The following PCDH15 variants were observed in gnomAD, a reference collection of about 807,000 sequenced individuals.
The protein encoded by PCDH15 is protocadherin-15.
In PCDH15, 129 loss-of-function variants were observed where a neutral mutation model predicts 178.5. The ratio of observed to expected loss-of-function variants is 0.72; its 90% CI spans 0.63 to 0.84. PCDH15 has a LOEUF of 0.84. PCDH15 is among the 40% of genes least tolerant of loss of function. PCDH15 has a pLI of 0.00. For synonymous variants in PCDH15, 800 were observed against 732.0 expected, an observed-to-expected ratio of 1.09 and a Z score of -1.50; for missense variants, 2,230 against 2,099.9, an observed-to-expected ratio of 1.06 and a Z score of -1.21.
chr10:55,411,550 T>C (rs996776550), intron 2 of PCDH15, among the ~76,000 whole-genome samples: 1 of 152,112 alleles, frequency 6.6e-6, no homozygotes, highest in Non-Finnish European at 1.5e-5. Flanking sequence ...AGTATTTTTT[T>C]CCCAGTGGCT....
At chr10:54,101,342 C>G (rs2094808079) in intron 15 of PCDH15, among the ~76,000 whole-genome samples, 1 of 152,090 alleles carries the variant, frequency 6.6e-6, no homozygotes, top group South Asian at 2.1e-4. Context: ...TGGACTAATA[C>G]ATTGGTCAAC....
chr10:54,257,272 G>A (rs2056975445), intron 8 of PCDH15, among the ~76,000 whole-genome samples: 2 of 152,102 alleles, frequency 1.3e-5, no homozygotes, highest in South Asian at 4.1e-4. Context: ...TGAGAGGACA[G>A]AGGGTTGCGT....
intron 2 of PCDH15, among the ~76,000 whole-genome samples, chr10:55,577,309 T>C (rs889761187): frequency 6.6e-6 from 1 of 152,136 alleles, no homozygotes; most frequent in Admixed American, 6.6e-5. Context: ...CAAAATTTAT[T>C]TTCAGATTTT....
At chr10:54,044,824 T>C (rs1217925103) in intron 18 of PCDH15, among the ~76,000 whole-genome samples, 2 of 152,174 alleles carry the variant, frequency 1.3e-5, no homozygotes, top group Admixed American at 6.6e-5. Flanking sequence ...TTCCTGTGAT[T>C]AATACACATT....
chr10:54,022,933 C>T lies in PCDH15; in HGVS notation c.2485G>A (p.Glu829Lys). 6.2e-7 allele frequency: 1 copy of T among 1,613,918 alleles called. No individual in the cohort carries two copies. Among genetic ancestry groups the T allele is most frequent in the Non-Finnish European group, 8.5e-7 (1 of 1,179,840 alleles). The stretch of plus-strand genomic sequence containing the variant: ...GTAGTCCCAGCTGGCAAATTCTCTT[C>T]AACAAGGACAGTGTATGTTGAATTG... ...FTNSTYTVLV[E>K]ENLPAGTTIL... is the part of the protein sequence containing the mutation. The change falls in exon 19 of 38, where the codon GAA becomes AAA. Residue 829 changes from glutamate to lysine, a missense_variant. Coordinates refer to ENST00000644397, the MANE Select transcript of PCDH15 (RefSeq NM_001384140.1).
chr10:55,291,507 G>A (rs990746544), intron 1 of PCDH15, among the ~76,000 whole-genome samples: 8 of 152,156 alleles, frequency 5.3e-5, no homozygotes, highest in African/African-American at 9.6e-5. Flanking sequence ...CAACTGAAAT[G>A]AGAAATGGAA....
chr10:54,727,937 A>G (rs1942804181), intron 1 of PCDH15, among the ~76,000 whole-genome samples: 1 of 151,508 alleles, frequency 6.6e-6, no homozygotes, highest in African/African-American at 2.4e-5. Flanking sequence ...TTGAATTAGC[A>G]GTAACAAACC....
At chr10:54,156,398 A>T (rs72797068) in intron 13 of PCDH15, among the ~76,000 whole-genome samples, 4,502 of 152,238 alleles carry the variant, frequency 0.03, 86 homozygotes, top group Middle Eastern at 0.082. Context: ...CCTCATAATC[A>T]TGGCAGAAGG....
At chr10:55,254,041 TC>T (rs1469679279) in intron 1 of PCDH15, among the ~76,000 whole-genome samples, 5 of 152,206 alleles carry the variant, frequency 3.3e-5, no homozygotes, top group Admixed American at 3.3e-4. Flanking sequence ...ACACAGGTCT[TC>T]TTTGAAAGCT....
Position 54,729,243 on chromosome 10 carries a change from T to A in PCDH15, c.-28-64953A>T, listed in dbSNP as rs569198076. On this transcript the variant is annotated intron_variant, in intron 1 of 37. Transcript: ENST00000644397. ...AAACATATAAATCAATGGAACAGGTTAAAGAACACAGAAATAAAGCTACAC... is the reference window on the plus strand; with the variant it reads ...AAACATATAAATCAATGGAACAGGTAAAAGAACACAGAAATAAAGCTACAC... Among the ~76,000 whole-genome samples the A allele has an allele frequency of 5.0e-4, 76 of 151,476 alleles. No individual in the cohort carries two copies. The South Asian group carries it at 0.015, about 30-fold the overall frequency.
intron 3 of PCDH15, among the ~76,000 whole-genome samples, chr10:54,443,585 G>T (rs773389106): frequency 1.3e-5 from 2 of 151,602 alleles, no homozygotes; most frequent in Non-Finnish European, 3.0e-5. Flanking sequence ...GTAAATAGAG[G>T]ATCCAAGAAT....
At chr10:54,545,765 A>C (rs958681685) in intron 2 of PCDH15, among the ~76,000 whole-genome samples, 1 of 152,242 alleles carries the variant, frequency 6.6e-6, no homozygotes, top group Non-Finnish European at 1.5e-5. Flanking sequence ...TTATGATTTA[A>C]ACACACTCTG....
chr10:55,229,431 T>A (rs1841148588), intron 1 of PCDH15, among the ~76,000 whole-genome samples: 1 of 151,866 alleles, frequency 6.6e-6, no homozygotes, highest in African/African-American at 2.4e-5. Context: ...GGATATATAT[T>A]TAAAAGTAAA....
chr10:53,981,368 T>G (rs888197050), intron 21 of PCDH15, among the ~76,000 whole-genome samples: 1 of 152,184 alleles, frequency 6.6e-6, no homozygotes, highest in African/African-American at 2.4e-5. Flanking sequence ...GTTTCAAACT[T>G]GAAAACTTAG....
intron 2 of PCDH15, among the ~76,000 whole-genome samples, chr10:54,608,445 GATAATA>G (rs1025496728): frequency 6.6e-6 from 1 of 151,708 alleles, no homozygotes; most frequent in African/African-American, 2.4e-5. Context: ...CATCACTACA[GATAATA>G]ATAATAATAA....
intron 18 of PCDH15, among the ~76,000 whole-genome samples, chr10:54,030,371 CTTT>C (rs5785033): frequency 0.14 from 20,533 of 143,026 alleles, 1,592 homozygotes; most frequent in Non-Finnish European, 0.19. Flanking sequence ...CAATAGTTGT[CTTT>C]TTTTTTTTTT....
chr10:54,424,358 A>T (rs1465983982), intron 3 of PCDH15, among the ~76,000 whole-genome samples: 1 of 151,904 alleles, frequency 6.6e-6, no homozygotes. Context: ...GTCAGGAAAC[A>T]ACAGGTGCTG....
At chr10:54,712,363 T>TA (rs1274048561) in intron 1 of PCDH15, among the ~76,000 whole-genome samples, 3 of 151,762 alleles carry the variant, frequency 2.0e-5, no homozygotes, top group Non-Finnish European at 4.4e-5. Context: ...AAAAGAGATT[T>TA]AAAAAATCAT....
chr10:53,850,009 G>T (rs7358217), intron 28 of PCDH15, among the ~76,000 whole-genome samples: 61,852 of 151,634 alleles, frequency 0.41, 17,060 homozygotes, highest in East Asian at 0.98. Context: ...TTTGAGCCAT[G>T]TGACAGATGA....
Sources: allele counts gnomAD v4.1 joint callset (sites outside exome capture counted in the v4.1 genomes callset), GRCh38; gene constraint gnomAD v4.1.1; transcripts MANE v1.5; gene names NCBI Gene and HGNC (gene_info 2026-07-23, HGNC 2026-07-21).